The following EPHA6 variants were observed in gnomAD, a reference collection of about 807,000 sequenced individuals.
EPHA6 encodes EPH receptor A6, also known as ephrin type-A receptor 6.
Under a neutral mutation model 112.0 loss-of-function variants are expected in EPHA6, and 50 were observed. The ratio of observed to expected loss-of-function variants is 0.45; its 90% confidence interval spans 0.36 to 0.56. The LOEUF (loss-of-function observed/expected upper bound fraction) is 0.56. Among genes scored for constraint, EPHA6 ranks in the 20% least tolerant of loss-of-function variants. EPHA6 has a pLI of 0.00. For missense variants in EPHA6, 1,280 were observed against 1,417.4 expected, an observed-to-expected ratio of 0.90 and a Z score of 1.56; for synonymous variants, 529 against 490.7, an observed-to-expected ratio of 1.08 and a Z score of -1.03.
chr3:96,975,737 A>T (rs2042495995), intron 2 of EPHA6, among the ~76,000 whole-genome samples: 1 of 152,158 alleles, frequency 6.6e-6, no homozygotes, highest in South Asian at 2.1e-4. Flanking sequence ...TCTCTTTGTC[A>T]TCCATCTGTC....
At chr3:96,868,248 T>C (rs965813261) in intron 2 of EPHA6, among the ~76,000 whole-genome samples, 24 of 151,528 alleles carry the variant, frequency 1.6e-4, no homozygotes, top group African/African-American at 5.6e-4. Flanking sequence ...GGATAGGTGG[T>C]ATAAATAAGA....
chr3:97,658,292 T>G (rs1280604794), intron 14 of EPHA6, among the ~76,000 whole-genome samples: 1 of 151,992 alleles, frequency 6.6e-6, no homozygotes, highest in East Asian at 1.9e-4. Flanking sequence ...TTCTTGCATT[T>G]TCTTCTCTTT....
At chr3:97,614,501 ATTTTTTTTT>A (rs35126699) in intron 13 of EPHA6, among the ~76,000 whole-genome samples, 28 of 98,266 alleles carry the variant, frequency 2.8e-4, no homozygotes, top group Admixed American at 3.5e-4. Flanking sequence ...CACCCAGCTA[ATTTTTTTTT>A]TTTTTTTTTT....
At chr3:97,362,631 T>C (rs1247776562) in intron 5 of EPHA6, among the ~76,000 whole-genome samples, 1 of 152,082 alleles carries the variant, frequency 6.6e-6, no homozygotes, top group Admixed American at 6.6e-5. Context: ...GTTAATGTCA[T>C]TTAGGTATAC....
chr3:96,865,153 CTT>C (rs1474436315), intron 1 of EPHA6, among the ~76,000 whole-genome samples: 19 of 151,916 alleles, frequency 1.3e-4, no homozygotes, highest in African/African-American at 4.6e-4. Flanking sequence ...AAATTTATGA[CTT>C]AGTTTTACAA....
chr3:97,203,457 C>T (rs550605805), intron 3 of EPHA6, among the ~76,000 whole-genome samples: 9 of 152,042 alleles, frequency 5.9e-5, no homozygotes, highest in African/African-American at 2.2e-4. Flanking sequence ...GAAGTTGCCA[C>T]AAAACAAAGC....
rs1192144586 is a variant in EPHA6 at position 97,757,766 on chromosome 3, G to A, written c.*9065G>A. 6.6e-6 allele frequency among the ~76,000 whole-genome samples: 1 copy of A among 151,624 alleles called. No individual in the cohort carries two copies. Among genetic ancestry groups the A allele is most frequent in the Non-Finnish European group, 1.5e-5 (1 of 67,704 alleles). On this transcript the variant is annotated 3_prime_UTR_variant, in exon 18 of 18. Transcript: ENST00000389672. Reference sequence around the variant, plus strand: ...ATATAATATGTTTTGATCTCTAAATGCTTACATTCTTTCAAGAAGATTGCC... The same window carrying A: ...ATATAATATGTTTTGATCTCTAAATACTTACATTCTTTCAAGAAGATTGCC...
chr3:97,743,129 A>G (rs1206183556), intron 16 of EPHA6, among the ~76,000 whole-genome samples: 1 of 152,130 alleles, frequency 6.6e-6, no homozygotes, highest in Admixed American at 6.6e-5. Context: ...ATTTGAATAA[A>G]CAGCATATTA....
intron 3 of EPHA6, among the ~76,000 whole-genome samples, chr3:97,038,313 C>A (rs1404914701): frequency 6.6e-6 from 1 of 151,944 alleles, no homozygotes; most frequent in African/African-American, 2.4e-5. Flanking sequence ...TCCTTTCCCC[C>A]CCCATGCTTC....
chr3:97,534,957 A>G (rs148879468), intron 11 of EPHA6, among the ~76,000 whole-genome samples: 2 of 152,180 alleles, frequency 1.3e-5, no homozygotes, highest in East Asian at 3.9e-4. Context: ...AAAGGTTTAA[A>G]AAGCGTCATA....
intron 14 of EPHA6, among the ~76,000 whole-genome samples, chr3:97,686,328 C>G (rs1289933724): frequency 1.3e-5 from 2 of 152,152 alleles, no homozygotes; most frequent in Non-Finnish European, 2.9e-5. Context: ...TTCTCTCCCT[C>G]TTCCCATACT....
chr3:97,658,226 T>A (rs2094148238), intron 14 of EPHA6, among the ~76,000 whole-genome samples: 1 of 151,848 alleles, frequency 6.6e-6, no homozygotes, highest in Admixed American at 6.6e-5. Flanking sequence ...TGAGCCCTGA[T>A]TTTTTTCTCT....
chr3:97,385,683 A>C (rs1158182837), intron 5 of EPHA6, among the ~76,000 whole-genome samples: 1 of 152,166 alleles, frequency 6.6e-6, no homozygotes, highest in African/African-American at 2.4e-5. Flanking sequence ...AAAGAAGTTT[A>C]ATATGCCCAC....
chr3:97,204,169 A>G (rs1233059553), intron 3 of EPHA6, among the ~76,000 whole-genome samples: 1 of 152,164 alleles, frequency 6.6e-6, no homozygotes, highest in Non-Finnish European at 1.5e-5. Flanking sequence ...CTTAAGGAAT[A>G]GTGAAATTGT....
intron 3 of EPHA6, among the ~76,000 whole-genome samples, chr3:97,202,449 A>T (rs912722498): frequency 1.3e-5 from 2 of 151,924 alleles, no homozygotes; most frequent in African/African-American, 4.8e-5. Flanking sequence ...CCTGGACTCA[A>T]GTCTCCATGG....
intron 17 of EPHA6, among the ~76,000 whole-genome samples, chr3:97,747,921 T>G (rs1291769995): frequency 6.6e-6 from 1 of 152,076 alleles, no homozygotes; most frequent in African/African-American, 2.4e-5. Context: ...CATCAAATAA[T>G]GCAATATTAT....
chr3:97,417,209 A>C (rs2088196849), intron 6 of EPHA6, among the ~76,000 whole-genome samples: 1 of 152,154 alleles, frequency 6.6e-6, no homozygotes. Context: ...ACAAAAGAGA[A>C]TTGCAAGTGA....
At chr3:96,979,571 T>C (rs1232224869) in intron 2 of EPHA6, among the ~76,000 whole-genome samples, 2 of 152,188 alleles carry the variant, frequency 1.3e-5, no homozygotes, top group Non-Finnish European at 2.9e-5. Flanking sequence ...TACCCAGTAA[T>C]GGGATGGCTG....
chr3:97,516,549 G>A (rs1319758474), intron 10 of EPHA6, among the ~76,000 whole-genome samples: 2 of 152,134 alleles, frequency 1.3e-5, no homozygotes, highest in Admixed American at 1.3e-4. Flanking sequence ...ACTGAATACA[G>A]TCAGATGGGT....
Sources: gnomAD v4.1 joint callset for allele counts (sites outside exome capture counted in the v4.1 genomes callset) on GRCh38, gnomAD v4.1.1 for gene constraint, MANE v1.5 for transcripts, NCBI Gene and HGNC (gene_info 2026-07-23, HGNC 2026-07-21) for gene names.